Variants in SCD5 observed in about 807,000 individuals in gnomAD.
The protein encoded by SCD5 is stearoyl-CoA desaturase 5.
Under a neutral mutation model 30.4 loss-of-function variants are expected in SCD5, and 20 were observed. The observed-to-expected ratio is 0.66, with a 90% CI of 0.46 to 0.96. SCD5 has a LOEUF of 0.96. Ranked by LOEUF, SCD5 falls within the 40% of genes least tolerant of loss-of-function variation. The pLI is 0.00. For synonymous variants in SCD5, 173 were observed against 176.4 expected, an observed-to-expected ratio of 0.98 and a Z score of 0.16; for missense variants, 381 against 443.3, an observed-to-expected ratio of 0.86 and a Z score of 1.26.
intron 1 of SCD5, among the ~76,000 whole-genome samples, chr4:82,791,505 C>T (rs887375829): frequency 5.3e-5 from 8 of 152,044 alleles, no homozygotes; most frequent in Non-Finnish European, 1.2e-4. Flanking sequence ...GAGTGTCTCG[C>T]TCTCCAAAGG....
intron 3 of SCD5, among the ~76,000 whole-genome samples, chr4:82,657,734 T>C (rs1437426676): frequency 1.3e-5 from 2 of 152,214 alleles, no homozygotes; most frequent in Non-Finnish European, 2.9e-5. Context: ...TCCATGAACA[T>C]GGAATGTTTT....
intron 4 of SCD5, among the ~76,000 whole-genome samples, chr4:82,632,653 A>G (rs1183180055): frequency 6.6e-6 from 1 of 152,190 alleles, no homozygotes. Flanking sequence ...AGTCCCACCA[A>G]CAGTGTAAAA....
chr4:82,770,785 C>T (rs1432266777), intron 1 of SCD5, among the ~76,000 whole-genome samples: 2 of 152,180 alleles, frequency 1.3e-5, no homozygotes, highest in Admixed American at 1.3e-4. Flanking sequence ...AAACAGAGAG[C>T]TGGGTTGTTA....
intron 3 of SCD5, among the ~76,000 whole-genome samples, chr4:82,669,452 T>A (rs1455252490): frequency 6.6e-6 from 1 of 152,222 alleles, no homozygotes; most frequent in African/African-American, 2.4e-5. Flanking sequence ...GATGTGAGAT[T>A]ACAGGGAAAA....
In SCD5 at chr4:82,680,815, GAGA is replaced by G. The variant is rs1283843567; in HGVS notation, c.458_460del (p.Phe153del). ...GCGAACAAACAGCCACCCAATATGG[GAGA>G]AGAAGAAGCCCCGGCGGGCATTGTG... On this transcript the variant is annotated inframe_deletion, in exon 3 of 5. Transcript: ENST00000319540. 5.6e-6 allele frequency: 9 copies of G among 1,613,672 alleles called. No homozygotes were observed. Among genetic ancestry groups the G allele is most frequent in the East Asian group, 2.2e-5 (1 of 44,804 alleles).
chr4:82,796,119 A>G (rs549459068), intron 1 of SCD5, among the ~76,000 whole-genome samples: 1 of 151,826 alleles, frequency 6.6e-6, no homozygotes, highest in Non-Finnish European at 1.5e-5. Flanking sequence ...AAATACAAAA[A>G]ATTAGCCGGG....
At chr4:82,681,260 CTT>C (rs1560532406) in intron 2 of SCD5, among the ~76,000 whole-genome samples, 1 of 152,094 alleles carries the variant, frequency 6.6e-6, no homozygotes, top group Non-Finnish European at 1.5e-5. Context: ...AAAAAGAGAT[CTT>C]TTTTGTGGCT....
chr4:82,706,367 G>A (rs1719969001), intron 1 of SCD5, among the ~76,000 whole-genome samples: 1 of 152,212 alleles, frequency 6.6e-6, no homozygotes, highest in South Asian at 2.1e-4. Flanking sequence ...ACATTTCCCA[G>A]TCAGACCTTT....
intron 1 of SCD5, chr4:82,753,312 G>A (rs1190208773): frequency 1.9e-6 from 1 of 523,838 alleles, no homozygotes; most frequent in African/African-American, 1.9e-5. Flanking sequence ...CCTGGGGTGG[G>A]GGTGGGGGGT....
Position 82,680,795 on chromosome 4 carries a change from C to A in SCD5, c.481G>T (p.Val161Phe), listed in dbSNP as rs549079516. The stretch of plus-strand genomic sequence containing the variant: ...TCAATAACATCTCGATGCTTGCGAA[C>A]AAACAGCCACCCAATATGGGAGAAG... ...FFFSHIGWLF[V>F]RKHRDVIEKG... The change falls in exon 3 of 5, where the codon GTT (valine) becomes TTT (phenylalanine). Residue 161 changes from valine to phenylalanine, a missense_variant. Val to Phe is a conservative substitution (Grantham distance 50). Transcript: ENST00000319540. The A allele has an allele frequency of 2.9e-5, 47 of 1,613,938 alleles. 1 individual carries two copies. In the South Asian group the frequency reaches 5.1e-4, roughly 17 times the overall value.
chr4:82,641,761 C>G (rs1335931276), intron 3 of SCD5, among the ~76,000 whole-genome samples: 1 of 152,124 alleles, frequency 6.6e-6, no homozygotes, highest in Non-Finnish European at 1.5e-5. Flanking sequence ...TGGCCTGAAC[C>G]TGGATAGTCA....
At chr4:82,739,495 A>T (rs1462202618) in intron 1 of SCD5, among the ~76,000 whole-genome samples, 3 of 152,298 alleles carry the variant, frequency 2.0e-5, no homozygotes, top group South Asian at 4.1e-4. Flanking sequence ...GCCTCCCCGC[A>T]CTGCCCTGGA....
intron 3 of SCD5, among the ~76,000 whole-genome samples, chr4:82,637,698 G>A (rs1241727569): frequency 6.6e-6 from 1 of 152,216 alleles, no homozygotes; most frequent in Admixed American, 6.5e-5. Context: ...GCCTCCCGCA[G>A]CCTAATCAAG....
chr4:82,703,480 C>G (rs895914391), intron 2 of SCD5, among the ~76,000 whole-genome samples: 1 of 152,100 alleles, frequency 6.6e-6, no homozygotes, highest in Non-Finnish European at 1.5e-5. Flanking sequence ...CCTCCCCTTG[C>G]AGATAAAGGA....
intron 2 of SCD5, among the ~76,000 whole-genome samples, chr4:82,682,162 C>A (rs180838583): frequency 6.6e-6 from 1 of 152,158 alleles, no homozygotes; most frequent in African/African-American, 2.4e-5. Context: ...GACTCTGGTG[C>A]CCCTAGAAGG....
At chr4:82,781,051 G>C (rs1057276831) in intron 1 of SCD5, among the ~76,000 whole-genome samples, 3 of 152,226 alleles carry the variant, frequency 2.0e-5, no homozygotes, top group Non-Finnish European at 2.9e-5. Context: ...GCCCCCCAGA[G>C]GAGGGCTGGA....
At chr4:82,751,784 G>A (rs556849292) in intron 1 of SCD5, among the ~76,000 whole-genome samples, 4 of 152,048 alleles carry the variant, frequency 2.6e-5, no homozygotes, top group Non-Finnish European at 5.9e-5. Context: ...GCGCCACTAC[G>A]CCAAGCTGAT....
intron 3 of SCD5, among the ~76,000 whole-genome samples, chr4:82,650,564 TAC>T (rs1416140563): frequency 6.6e-6 from 1 of 152,082 alleles, no homozygotes; most frequent in East Asian, 1.9e-4. Flanking sequence ...GGCATTGTGG[TAC>T]ACACCTGTGG....
chr4:82,662,000 A>G (rs1289496426), intron 3 of SCD5, among the ~76,000 whole-genome samples: 1 of 152,226 alleles, frequency 6.6e-6, no homozygotes, highest in Non-Finnish European at 1.5e-5. Context: ...AAGGAGGGAA[A>G]TGAAGAGACA....
Sources: allele counts gnomAD v4.1 joint callset (sites outside exome capture counted in the v4.1 genomes callset), GRCh38; gene constraint gnomAD v4.1.1; transcripts MANE v1.5; gene names NCBI Gene and HGNC (gene_info 2026-07-23, HGNC 2026-07-21).